Variants in ITPR1 observed in about 807,000 individuals in gnomAD.
ITPR1 encodes the protein inositol 1,4,5-trisphosphate-gated calcium channel ITPR1.
ITPR1 carries 96 observed loss-of-function variants against 318.4 expected under a neutral mutation model. That is an observed-to-expected ratio of 0.30 (90% CI 0.26 to 0.36). ITPR1 has a LOEUF of 0.36. ITPR1 is among the 10% of genes least tolerant of loss of function. The pLI, the probability that ITPR1 is intolerant of heterozygous loss-of-function variation, is 1.00. For missense variants in ITPR1, 2,440 were observed against 3,460.2 expected, an observed-to-expected ratio of 0.71 and a Z score of 7.40; for synonymous variants, 1,312 against 1,289.9, an observed-to-expected ratio of 1.02 and a Z score of -0.37.
chr3:4,830,580 A>G (rs2050409384), intron 60 of ITPR1, among the ~76,000 whole-genome samples: 1 of 152,142 alleles, frequency 6.6e-6, no homozygotes, highest in Non-Finnish European at 1.5e-5. Context: ...CTGAGGGTTT[A>G]AATACATGGG....
intron 60 of ITPR1, chr3:4,830,928 G>A (rs746809295): frequency 8.8e-6 from 4 of 456,344 alleles, no homozygotes; most frequent in South Asian, 6.2e-5. Flanking sequence ...TCGTTTAGGT[G>A]GTAAACGTAA....
chr3:4,671,645 G>T (rs1296117832), intron 20 of ITPR1: 1 of 152,228 alleles, frequency 6.6e-6, no homozygotes, highest in Non-Finnish European at 1.5e-5. Context: ...AGACCTGCCA[G>T]TCCTGCCACC....
chr3:4,681,951 A>G (rs938409100), intron 26 of ITPR1, among the ~76,000 whole-genome samples: 6 of 152,304 alleles, frequency 3.9e-5, no homozygotes, highest in Admixed American at 2.6e-4. Context: ...GACTTAAGAC[A>G]TTATTATAAT....
chr3:4,602,784 T>G (rs546472698), intron 4 of ITPR1, among the ~76,000 whole-genome samples: 1 of 152,280 alleles, frequency 6.6e-6, no homozygotes, highest in East Asian at 1.9e-4. Context: ...TTTGTGATTC[T>G]ATTTATGTAA....
intron 4 of ITPR1, among the ~76,000 whole-genome samples, chr3:4,551,835 G>A (rs1356047455): frequency 2.0e-5 from 3 of 152,194 alleles, no homozygotes; most frequent in African/African-American, 4.8e-5. Flanking sequence ...GCAACCAGTC[G>A]TATCTTATTT....
chr3:4,606,949 A>G (rs2091747186), intron 4 of ITPR1, among the ~76,000 whole-genome samples: 1 of 152,156 alleles, frequency 6.6e-6, no homozygotes. Context: ...GCTGGAGTGA[A>G]GTATTCATGG....
chr3:4,559,556 A>G (rs995357377), intron 4 of ITPR1, among the ~76,000 whole-genome samples: 1 of 152,222 alleles, frequency 6.6e-6, no homozygotes, highest in African/African-American at 2.4e-5. Flanking sequence ...GCATGCCAAG[A>G]TGAGTAAAAA....
intron 56 of ITPR1, 60 bp from the exon 57 acceptor site, chr3:4,813,082 C>G: frequency 7.7e-7 from 1 of 1,293,114 alleles, no homozygotes; most frequent in Non-Finnish European, 1.1e-6. Flanking sequence ...TTGGGGACTT[C>G]AAACATTTTA....
At chr3:4,555,821 T>G (rs773607919) in intron 4 of ITPR1, among the ~76,000 whole-genome samples, 2 of 152,258 alleles carry the variant, frequency 1.3e-5, no homozygotes, top group Non-Finnish European at 2.9e-5. Flanking sequence ...TGTACAAGTA[T>G]TAACCAATTT....
At chr3:4,820,748 T>G (rs2049652617) in intron 60 of ITPR1, among the ~76,000 whole-genome samples, 1 of 152,246 alleles carries the variant, frequency 6.6e-6, no homozygotes, top group Non-Finnish European at 1.5e-5. Context: ...AAGCGTCAGA[T>G]CTACCGCTAA....
chr3:4,675,203 A>C lies in ITPR1; in HGVS notation c.2734A>C (p.Lys912Gln), dbSNP rs745388030. ...AATCTTCCCCATTAGCAAGATGGCGAAAGGAGAAGAGAATAAAGGTAACAA... is the reference window on the plus strand; with the variant it reads ...AATCTTCCCCATTAGCAAGATGGCGCAAGGAGAAGAGAATAAAGGTAACAA... ...TTIFPISKMA[K>Q]GEENKGNNDV... The change falls in exon 23 of 62, where the codon AAA becomes CAA. Residue 912 changes from lysine to glutamine, a missense_variant. This residue lies in a region of ITPR1 where 478 missense variants were observed against 696.3 expected (regional missense o/e 0.69). Coordinates refer to ENST00000649015, the MANE Select transcript of ITPR1 (RefSeq NM_001378452.1). 3.7e-6 allele frequency: 6 copies of C among 1,612,896 alleles called. No homozygotes were observed. The Admixed American group carries it at 1.0e-4, about 27-fold the overall frequency.
intron 4 of ITPR1, among the ~76,000 whole-genome samples, chr3:4,617,763 C>T (rs1246544545): frequency 2.0e-5 from 3 of 151,704 alleles, no homozygotes; most frequent in Non-Finnish European, 4.4e-5. Context: ...GTGGATAAAT[C>T]GCTTGAGCAC....
intron 44 of ITPR1, among the ~76,000 whole-genome samples, chr3:4,744,850 AC>A (rs2043963016): frequency 6.6e-6 from 1 of 152,080 alleles, no homozygotes; most frequent in Non-Finnish European, 1.5e-5. Flanking sequence ...ATTCAGGGAA[AC>A]AGGCTGGGGC....
intron 34 of ITPR1, among the ~76,000 whole-genome samples, chr3:4,698,187 A>G (rs2094589388): frequency 6.6e-6 from 1 of 152,240 alleles, no homozygotes; most frequent in African/African-American, 2.4e-5. Flanking sequence ...TTTAGAAGAT[A>G]ATTGTCAGAT....
At chr3:4,836,359 C>T (rs1432563516) in intron 60 of ITPR1, among the ~76,000 whole-genome samples, 1 of 152,090 alleles carries the variant, frequency 6.6e-6, no homozygotes, top group Non-Finnish European at 1.5e-5. Context: ...TGTGAATGTA[C>T]TTAATGCCAC....
intron 4 of ITPR1, among the ~76,000 whole-genome samples, chr3:4,535,639 G>T (rs1360958558): frequency 2.0e-5 from 3 of 151,578 alleles, no homozygotes; most frequent in Non-Finnish European, 4.4e-5. Context: ...TAGAGACGGG[G>T]TTTCACTGTG....
At chr3:4,763,213 G>T (rs750317901) in intron 44 of ITPR1, among the ~76,000 whole-genome samples, 2 of 152,152 alleles carry the variant, frequency 1.3e-5, no homozygotes, top group Non-Finnish European at 2.9e-5. Context: ...GGAGGCAGGA[G>T]TTGGGGGAGA....
At chr3:4,642,494 C>T (rs1192992482) in intron 7 of ITPR1, among the ~76,000 whole-genome samples, 3 of 152,136 alleles carry the variant, frequency 2.0e-5, no homozygotes, top group African/African-American at 4.8e-5. Context: ...CAGCCCATTG[C>T]GTTAGGAACT....
chr3:4,590,308 G>A (rs2090289054), intron 4 of ITPR1, among the ~76,000 whole-genome samples: 1 of 149,432 alleles, frequency 6.7e-6, no homozygotes, highest in Non-Finnish European at 1.5e-5. Context: ...GACCTTATCT[G>A]TCTTGTTGAA....
Sources: gnomAD v4.1 joint callset for allele counts (sites outside exome capture counted in the v4.1 genomes callset) on GRCh38, gnomAD v4.1.1 for gene constraint, gnomAD v4.1.1 regional missense constraint, MANE v1.5 for transcripts, NCBI Gene and HGNC (gene_info 2026-07-23, HGNC 2026-07-21) for gene names.